The following ZFP90 variants were observed in gnomAD, a reference collection of about 807,000 sequenced individuals.
ZFP90 encodes ZFP90 zinc finger protein.
ZFP90 carries 38 observed loss-of-function variants against 60.8 expected under a neutral mutation model. The observed-to-expected ratio is 0.62, with a 90% CI of 0.48 to 0.82. The LOEUF is 0.82. Ranked by LOEUF, ZFP90 falls within the 40% of genes least tolerant of loss-of-function variation. The pLI, the probability that ZFP90 is intolerant of heterozygous loss-of-function variation, is 0.00. For synonymous variants in ZFP90, 287 were observed against 264.8 expected (o/e 1.08, Z -0.82); for missense variants, 711 against 759.1 (o/e 0.94, Z 0.74).
At chr16:68,554,247 G>A (rs1032082179) in intron 2 of ZFP90, among the ~76,000 whole-genome samples, 1 of 151,500 alleles carries the variant, frequency 6.6e-6, no homozygotes, top group Non-Finnish European at 1.5e-5. Context: ...TCATCCTCCC[G>A]AGTAGATGGG....
Position 68,567,066 on chromosome 16 carries a change from G to A in ZFP90, c.*2368G>A, listed in dbSNP as rs1052932191. 3.0e-6 allele frequency: 3 copies of A among 985,368 alleles called. No homozygotes were observed. The highest frequency in any genetic ancestry group is 6.2e-5 in the Admixed American group (1 of 16,252). 61.0% of individuals were successfully genotyped at this position (985,368 alleles called of 1,614,324 possible). A position where few individuals can be genotyped will look rare whatever the true frequency, so the allele number is the denominator to read the frequency against. On this transcript the variant is annotated 3_prime_UTR_variant, in exon 5 of 5. Coordinates refer to ENST00000563169, the MANE Select transcript of ZFP90 (RefSeq NM_001305203.2). ...GCACTTATGGATACCCAGCCTTTTAGGGCTACGTGAAATGCATCCTTGTAA... is the reference window on the plus strand; with the variant it reads ...GCACTTATGGATACCCAGCCTTTTAAGGCTACGTGAAATGCATCCTTGTAA...
rs886797308 is a variant in ZFP90, at chr16:68,539,457, C to G, written c.-58C>G. ...GGGCCGGAGGTCGCGAAATCCGGAGCCCCCCAGAGGCGGTGATTCTGAGTG... is the reference window on the plus strand; with the variant it reads ...GGGCCGGAGGTCGCGAAATCCGGAGGCCCCCAGAGGCGGTGATTCTGAGTG... On this transcript the variant is annotated 5_prime_UTR_variant, in exon 1 of 5. Coordinates refer to ENST00000563169, the MANE Select transcript of ZFP90 (RefSeq NM_001305203.2). 4 of 373,688 alleles carry G rather than the reference C, an allele frequency of 1.1e-5. No homozygotes were observed. Among genetic ancestry groups the G allele is most frequent in the Non-Finnish European group, 1.9e-5 (4 of 208,606 alleles). 23.1% of individuals were successfully genotyped at this position (373,688 alleles called of 1,614,324 possible).
chr16:68,560,916 C>G lies in ZFP90; in HGVS notation c.257-2128C>G, dbSNP rs187317226. Among the ~76,000 whole-genome samples, 5 of 146,810 alleles carry G rather than the reference C, an allele frequency of 3.4e-5. No individual in the cohort carries two copies. In the East Asian group the frequency reaches 1.0e-3, roughly 30 times the overall value. On this transcript the variant is annotated intron_variant, in intron 4 of 4. Coordinates refer to ENST00000563169, the MANE Select transcript of ZFP90 (RefSeq NM_001305203.2). Reference sequence around the variant, plus strand: ...TTTTTTTCCGAGATGGAATCTCACTCTGTCACCCAGGCTGGAGTACAATGG... The same window carrying G: ...TTTTTTTCCGAGATGGAATCTCACTGTGTCACCCAGGCTGGAGTACAATGG...
rs1457854642 is a variant in ZFP90, at chr16:68,565,783, A to T, written c.*1085A>T. ...AATTTTGCCTTGTACTCAGAGAAGC[A>T]ACATGCACTGGCTCATTTTATGTGC... On this transcript the variant is annotated 3_prime_UTR_variant, in exon 5 of 5. Coordinates refer to ENST00000563169, the MANE Select transcript of ZFP90 (RefSeq NM_001305203.2). The T allele has an allele frequency of 3.0e-6, 3 of 985,540 alleles. No individual in the cohort carries two copies. Among genetic ancestry groups the T allele is most frequent in the Non-Finnish European group, 3.6e-6 (3 of 829,926 alleles). The allele number at this position is 985,540 out of a possible 1,614,324, so 61.0% of individuals were successfully genotyped here.
chr16:68,574,242 A>G (rs2091582115), intron 2 of ZFP90: 1 of 149,538 alleles, frequency 6.7e-6, no homozygotes, highest in Non-Finnish European at 1.5e-5. Context: ...AAAAAAAAAA[A>G]AAAAAAAAAA....
chr16:68,535,924 A>G (rs925759284), upstream of ZFP90, among the ~76,000 whole-genome samples: 11 of 152,286 alleles, frequency 7.2e-5, no homozygotes, highest in African/African-American at 2.6e-4. Flanking sequence ...AAGGAAACCA[A>G]TAGATACCTG....
rs1387082839 is a variant in ZFP90, at chr16:68,566,512, A to C, written c.*1814A>C. On this transcript the variant is annotated 3_prime_UTR_variant, in exon 5 of 5. Transcript: ENST00000563169. ...TATTCTTCATTCTTTGCAGGGAAAAAATTGTGCATGGGGGCTGAAATGTAA... is the reference window on the plus strand; with the variant it reads ...TATTCTTCATTCTTTGCAGGGAAAACATTGTGCATGGGGGCTGAAATGTAA... 3 of 985,364 alleles carry C rather than the reference A, an allele frequency of 3.0e-6. No homozygotes were observed. Among genetic ancestry groups the C allele is most frequent in the Non-Finnish European group, 2.4e-6 (2 of 829,922 alleles). The allele number at this position is 985,364 out of a possible 1,614,324, so 61.0% of individuals were successfully genotyped here.
At chr16:68,534,719 C>T (rs1332403578), upstream of ZFP90, among the ~76,000 whole-genome samples, 2 of 151,428 alleles carry the variant, frequency 1.3e-5, no homozygotes, top group African/African-American at 4.8e-5. Flanking sequence ...TCCTGGCTAA[C>T]ACAGTGAAAC....
downstream of ZFP90, among the ~76,000 whole-genome samples, chr16:68,568,593 A>T (rs2091550903): frequency 6.6e-6 from 1 of 152,252 alleles, no homozygotes; most frequent in South Asian, 2.1e-4. Context: ...AGAGACACAC[A>T]CAAAGATGTT....
rs571400787 is a variant in ZFP90 at position 68,539,377 on chromosome 16, T to G, written c.-138T>G. The G allele has an allele frequency of 1.7e-5, 4 of 233,602 alleles. No individual in the cohort carries two copies. Among genetic ancestry groups the G allele is most frequent in the East Asian group, 8.8e-5 (1 of 11,428 alleles). 14.5% of individuals were successfully genotyped at this position (233,602 alleles called of 1,614,324 possible). On this transcript the variant is annotated 5_prime_UTR_variant, in exon 1 of 5. Coordinates refer to ENST00000563169, the MANE Select transcript of ZFP90 (RefSeq NM_001305203.2). Reference sequence around the variant, plus strand: ...TGGGCAGCCCCTCCGCAGATCAGAATTGGAGATAACCGAGGCTTCGGCGGG... The same window carrying G: ...TGGGCAGCCCCTCCGCAGATCAGAAGTGGAGATAACCGAGGCTTCGGCGGG...
intron 2 of ZFP90, among the ~76,000 whole-genome samples, chr16:68,555,924 C>A (rs1029566941): frequency 2.0e-5 from 3 of 152,216 alleles, no homozygotes; most frequent in African/African-American, 7.2e-5. Flanking sequence ...TCCCTCACTG[C>A]TCCAGCTAAC....
chr16:68,541,897 G>A (rs2152055349), intron 2 of ZFP90, among the ~76,000 whole-genome samples: 1 of 152,266 alleles, frequency 6.6e-6, no homozygotes, highest in East Asian at 1.9e-4. Context: ...CTGTAAACTT[G>A]ACTTTTCAAG....
At chr16:68,538,585 A>G (rs1273169607), upstream of ZFP90, among the ~76,000 whole-genome samples, 1 of 152,170 alleles carries the variant, frequency 6.6e-6, no homozygotes, top group African/African-American at 2.4e-5. Flanking sequence ...GCATGCCTGT[A>G]ATCCCAGCTA....
At chr16:68,572,750 C>G (rs1203342615) in intron 2 of ZFP90, among the ~76,000 whole-genome samples, 1 of 152,232 alleles carries the variant, frequency 6.6e-6, no homozygotes, top group Non-Finnish European at 1.5e-5. Flanking sequence ...CACTTCACAG[C>G]TGTCACCTGG....
upstream of ZFP90, among the ~76,000 whole-genome samples, chr16:68,536,558 C>T (rs971194559): frequency 1.3e-5 from 2 of 152,192 alleles, no homozygotes; most frequent in African/African-American, 4.8e-5. Flanking sequence ...CCCTCCTCAG[C>T]CTCCCAAAGT....
In ZFP90 at chr16:68,565,548, T is replaced by C. The variant is rs903364071; in HGVS notation, c.*850T>C. The C allele has an allele frequency of 6.1e-6, 6 of 985,472 alleles. No homozygotes were observed. Among genetic ancestry groups the C allele is most frequent in the Non-Finnish European group, 7.2e-6 (6 of 829,946 alleles). The allele number at this position is 985,472 out of a possible 1,614,324, so 61.0% of individuals were successfully genotyped here. A position where few individuals can be genotyped will look rare whatever the true frequency, so the allele number is the denominator to read the frequency against. Reference sequence around the variant, plus strand: ...GAACTACTAGTGACTTTTTTCCCCTTTTCCCAGTTACAATTATACTTTCAG... The same window carrying C: ...GAACTACTAGTGACTTTTTTCCCCTCTTCCCAGTTACAATTATACTTTCAG... On this transcript the variant is annotated 3_prime_UTR_variant, in exon 5 of 5. Transcript: ENST00000563169.
intron 2 of ZFP90, among the ~76,000 whole-genome samples, chr16:68,548,993 C>G (rs895889668): frequency 6.6e-6 from 1 of 152,040 alleles, no homozygotes; most frequent in Non-Finnish European, 1.5e-5. Context: ...CGAAACAACT[C>G]CTCATTTTCC....
chr16:68,556,482 G>C (rs1039562877), intron 2 of ZFP90, among the ~76,000 whole-genome samples: 1 of 152,204 alleles, frequency 6.6e-6, no homozygotes. Flanking sequence ...TACAATAGCA[G>C]AATACTGGAA....
chr16:68,548,124 G>T (rs1270873395), intron 2 of ZFP90, among the ~76,000 whole-genome samples: 2 of 152,082 alleles, frequency 1.3e-5, no homozygotes. Flanking sequence ...ACCGTGTCCG[G>T]CCCAGTTGAT....
Sources: gnomAD v4.1 joint callset for allele counts (sites outside exome capture counted in the v4.1 genomes callset) on GRCh38, gnomAD v4.1.1 for gene constraint, MANE v1.5 for transcripts, NCBI Gene and HGNC (gene_info 2026-07-23, HGNC 2026-07-21) for gene names.